Variants in PER2 observed in about 807,000 individuals in gnomAD.
The protein encoded by PER2 is period circadian regulator 2, also known as period circadian protein homolog 2.
PER2 carries 66 observed loss-of-function variants against 121.0 expected under a neutral mutation model. The ratio of observed to expected loss-of-function variants is 0.55; its 90% CI spans 0.45 to 0.67. The LOEUF (loss-of-function observed/expected upper bound fraction) is 0.67, where lower values mean the gene tolerates loss of function less well. Among genes scored for constraint, PER2 ranks in the 30% least tolerant of loss-of-function variants. The probability of loss-of-function intolerance (pLI) is 0.00; values close to 1 mark genes in which losing one functional copy is unlikely to be tolerated. For missense variants in PER2, 1,521 were observed against 1,635.0 expected (o/e 0.93, Z 1.20); for synonymous variants, 684 against 659.9 (o/e 1.04, Z -0.56).
Position 238,253,594 on chromosome 2 carries a change from C to T in PER2, c.2429G>A (p.Ser810Asn), listed in dbSNP as rs751755416. Residue 810 changes from serine (S) to asparagine (N), a missense_variant, in exon 19 of 23, where the codon AGC becomes AAC. Transcript: ENST00000254657. The surrounding 1 kb of genome is among the most constrained non-coding windows in gnomAD (Gnocchi z 5.6). Reference sequence around the variant, plus strand: ...GGACACGGGCCCCCCAGATCCGGTGCTCTCAGATGAGTCTCGAGGTTTGAC... The same window carrying T: ...GGACACGGGCCCCCCAGATCCGGTGTTCTCAGATGAGTCTCGAGGTTTGAC... ...KRVKPRDSSE[S>N]TGSGGPVSAR... 6 of 1,610,110 alleles carry T rather than the reference C, an allele frequency of 3.7e-6. No homozygotes were observed. The South Asian group carries it at 6.6e-5, about 18-fold the overall frequency.
At chr2:238,260,784 C>A (rs372378406) in intron 13 of PER2, 44 bp downstream of exon 13, 1 of 1,611,390 alleles carries the variant, frequency 6.2e-7, no homozygotes, top group Non-Finnish European at 8.5e-7. Context: ...TCTGGAGGGA[C>A]ATCCACAAAC....
chr2:238,273,792 C>T (rs1696368496), intron 4 of PER2, among the ~76,000 whole-genome samples: 1 of 152,182 alleles, frequency 6.6e-6, no homozygotes, highest in South Asian at 2.1e-4. Flanking sequence ...CTCAGCCTTC[C>T]TAGTAGCTGG....
Position 238,251,693 on chromosome 2 carries a change from CAGG to C in PER2, c.3177_3179del (p.Leu1061del), listed in dbSNP as rs779826338. On this transcript the variant is annotated inframe_deletion, in exon 20 of 23. Transcript: ENST00000254657. ...AGGCTGAGCAGAGGTCCTCATTCAG[CAGG>C]AGGTTTAGGAGGCCGCTTGACGTGG... 3.7e-6 allele frequency: 6 copies of C among 1,614,056 alleles called. No individual in the cohort carries two copies. Among genetic ancestry groups the C allele is most frequent in the Non-Finnish European group, 4.2e-6 (5 of 1,179,920 alleles).
chr2:238,248,268 T>C (rs774924321), intron 22 of PER2, among the ~76,000 whole-genome samples: 1 of 152,192 alleles, frequency 6.6e-6, no homozygotes, highest in African/African-American at 2.4e-5. Flanking sequence ...GAAGTGACAC[T>C]GTGTTCGGCT....
At chr2:238,262,556 C>T (rs1695967637) in intron 10 of PER2, among the ~76,000 whole-genome samples, 1 of 152,174 alleles carries the variant, frequency 6.6e-6, no homozygotes, top group Non-Finnish European at 1.5e-5. Flanking sequence ...CCATGTTTCA[C>T]CTCTGCTAGT....
At chr2:238,282,993 C>T (rs1022925271) in intron 1 of PER2, among the ~76,000 whole-genome samples, 1 of 152,234 alleles carries the variant, frequency 6.6e-6, no homozygotes, top group Admixed American at 6.5e-5. Context: ...GAGGCTGGCA[C>T]TGGGCATCTC....
At chr2:238,272,927 A>G in intron 5 of PER2, 143 bp downstream of exon 5, 1 of 766,252 alleles carries the variant, frequency 1.3e-6, no homozygotes, top group East Asian at 2.5e-5. Context: ...CTGACTTCAC[A>G]TTCTTCCTTT....
intron 9 of PER2, 79 bp from the exon 10 acceptor site, chr2:238,263,137 T>C (rs1695987414): frequency 5.6e-6 from 5 of 893,698 alleles, no homozygotes; most frequent in Non-Finnish European, 7.4e-6. Context: ...TCTTATTCCC[T>C]GGAAAGAGAA....
Position 238,275,807 on chromosome 2 carries a change from G to A in PER2, c.384C>T (p.Ala128=). The A allele has an allele frequency of 1.2e-6, 2 of 1,614,200 alleles. No individual in the cohort carries two copies. The highest frequency in any genetic ancestry group is 1.3e-5 in the African/African-American group (1 of 75,070). The change falls in exon 4 of 23, where the codon GCC becomes GCT. Residue 128 remains alanine, a synonymous_variant. Coordinates refer to ENST00000254657, the MANE Select transcript of PER2 (RefSeq NM_022817.3). ...TGGCCAGCGTACTGGCCTTGCCCTT[G>A]GCCTTCTTGTCTGCAGGGAGGTGGA... is the stretch of plus-strand genomic sequence containing the variant. ...LKVHLPADKK[A]KGKASTLATL...
chr2:238,258,037 A>G (rs892198850), intron 16 of PER2, among the ~76,000 whole-genome samples: 14 of 152,338 alleles, frequency 9.2e-5, no homozygotes, highest in African/African-American at 3.4e-4. Context: ...GAGGGGGGTC[A>G]GGGGACGGCC....
chr2:238,288,137 C>T (rs891269118), intron 1 of PER2, among the ~76,000 whole-genome samples: 15 of 152,196 alleles, frequency 9.9e-5, no homozygotes, highest in African/African-American at 3.6e-4. Context: ...CTCCATGGCC[C>T]TTCCCCAGCC....
Position 238,257,034 on chromosome 2 carries a change from C to T in PER2, c.1953G>A (p.Leu651=). 6.2e-7 allele frequency: 1 copy of T among 1,613,354 alleles called. No homozygotes were observed. The highest frequency in any genetic ancestry group is 8.5e-7 in the Non-Finnish European group (1 of 1,179,824). ...VNSRTGVGTH[L]TSLALPGKAE... ...CCTTGCCCGGCAGTGCCAGCGAGGTCAGGTGCGTACCTACTCCCGTGCGGC... is the reference window on the plus strand; with the variant it reads ...CCTTGCCCGGCAGTGCCAGCGAGGTTAGGTGCGTACCTACTCCCGTGCGGC... The change falls in exon 17 of 23, where the codon CTG becomes CTA. Residue 651 remains leucine, a synonymous_variant. Coordinates refer to ENST00000254657, the MANE Select transcript of PER2 (RefSeq NM_022817.3).
chr2:238,261,665 A>G (rs1382933001), intron 12 of PER2, 64 bp downstream of exon 12: 1 of 1,020,122 alleles, frequency 9.8e-7, no homozygotes, highest in African/African-American at 1.6e-5. Context: ...TTCAGAGCCT[A>G]TGTCCTCTGC....
chr2:238,262,108 T>C (rs1559328315), intron 11 of PER2, 83 bp downstream of exon 11: 9 of 1,317,106 alleles, frequency 6.8e-6, no homozygotes, highest in Admixed American at 3.4e-5. Flanking sequence ...CCCCTCCCTA[T>C]GCCATCTGTT....
chr2:238,299,876 G>A, the PER2 span: 2 of 152,278 alleles, frequency 1.3e-5, no homozygotes, highest in African/African-American at 4.8e-5. Flanking sequence ...CAACATCCAG[G>A]GGCAGGCTTC....
chr2:238,252,887 G>T lies in PER2; in HGVS notation c.3111+25C>A. 1 of 1,606,590 alleles carries T rather than the reference G, an allele frequency of 6.2e-7. No individual in the cohort carries two copies. On this transcript the variant is annotated intron_variant, in intron 19 of 22. Transcript: ENST00000254657. The surrounding 1 kb of genome is among the most constrained non-coding windows in gnomAD (Gnocchi z 4.2). The stretch of plus-strand genomic sequence containing the variant: ...GTGTGCTGTTTGCTGCCTGCTTTGG[G>T]GAAAGAGCATCAGAAAATCCTTACG...
rs537238176 is a variant in PER2, at chr2:238,255,769, C to A, written c.2208G>T (p.Lys736Asn). Residue 736 changes from lysine to asparagine, a missense_variant, in exon 18 of 23, where the codon AAG becomes AAT. Physicochemically the swap from Lys to Asn is moderately conservative, Grantham distance 94 (BLOSUM62 0). Transcript: ENST00000254657. ...ACTTCTGCAGGAAGCTCTGCTCCTC[C>A]TTCTGTGTGTGTGCAGCGAGTACCT... ...TKEVLAAHTQKEEQSFLQKFK... is the reference protein window; with the variant it reads ...TKEVLAAHTQNEEQSFLQKFK... The A allele has an allele frequency of 6.8e-6, 11 of 1,614,214 alleles. No homozygotes were observed. In the Middle Eastern group the frequency reaches 4.9e-4, roughly 73 times the overall value.
At chr2:238,289,690 G>GC (rs1471115866), upstream of PER2, 1 of 152,272 alleles carries the variant, frequency 6.6e-6, no homozygotes, top group Non-Finnish European at 1.5e-5. Flanking sequence ...GGTAAGATGG[G>GC]CCCTGAGAAA....
At chr2:238,297,428 C>A in the PER2 span, among the ~76,000 whole-genome samples, 3,910 of 152,174 alleles carry the variant, frequency 0.026, 177 homozygotes, top group African/African-American at 0.09. Context: ...GCCTCTGAAT[C>A]CTCTGAGAAG....
Sources: gnomAD v4.1 joint callset for allele counts (sites outside exome capture counted in the v4.1 genomes callset) on GRCh38, gnomAD v4.1.1 for gene constraint, Gnocchi (gnomAD v3.1) non-coding constraint, MANE v1.5 for transcripts, NCBI Gene and HGNC (gene_info 2026-07-23, HGNC 2026-07-21) for gene names.